Variants in SLC25A48 observed in about 807,000 individuals in gnomAD.
SLC25A48 encodes the protein solute carrier family 25 member 48.
In SLC25A48, 29 loss-of-function variants were observed where a neutral mutation model predicts 32.2. That is an observed-to-expected ratio of 0.90 (90% CI 0.67 to 1.23). The LOEUF (loss-of-function observed/expected upper bound fraction) is 1.23, where lower values mean the gene tolerates loss of function less well. Ranked by LOEUF, SLC25A48 falls within the 50% of genes most tolerant of loss-of-function variation. The pLI is 0.00. For synonymous variants in SLC25A48, 164 were observed against 172.3 expected (o/e 0.95, Z 0.38); for missense variants, 399 against 422.7 (o/e 0.94, Z 0.49).
chr5:135,675,244 T>A (rs189585218), intron 3 of SLC25A48, among the ~76,000 whole-genome samples: 29 of 152,138 alleles, frequency 1.9e-4, no homozygotes, highest in African/African-American at 6.7e-4. Flanking sequence ...TAGACATTAG[T>A]CCATTGTTAG....
chr5:135,637,925 A>C (rs995895312), intron 3 of SLC25A48, among the ~76,000 whole-genome samples: 2 of 152,184 alleles, frequency 1.3e-5, no homozygotes, highest in African/African-American at 4.8e-5. Context: ...CTAGATCAAG[A>C]ATGAGTATGT....
chr5:135,736,531 A>G (rs535183849), intron 3 of SLC25A48, among the ~76,000 whole-genome samples: 19 of 152,154 alleles, frequency 1.2e-4, no homozygotes, highest in Non-Finnish European at 2.6e-4. Flanking sequence ...GAGTGGAGAC[A>G]TGGAGAGAAG....
At chr5:135,717,469 C>T (rs1477881411) in intron 3 of SLC25A48, among the ~76,000 whole-genome samples, 2 of 152,176 alleles carry the variant, frequency 1.3e-5, no homozygotes, top group Non-Finnish European at 2.9e-5. Flanking sequence ...AATCCTAACC[C>T]CAGTACCTGT....
chr5:135,651,448 A>C (rs1012408837), intron 3 of SLC25A48, among the ~76,000 whole-genome samples: 11 of 152,148 alleles, frequency 7.2e-5, no homozygotes, highest in African/African-American at 2.7e-4. Flanking sequence ...CTTAGTAGGC[A>C]GATTCCCAGC....
At chr5:135,843,319 G>A (rs1433737051) in intron 2 of SLC25A48, among the ~76,000 whole-genome samples, 1 of 152,140 alleles carries the variant, frequency 6.6e-6, no homozygotes, top group Non-Finnish European at 1.5e-5. Flanking sequence ...TTATATAGGA[G>A]GGGGGTAAGG....
chr5:135,728,228 C>A (rs779815692), intron 3 of SLC25A48, among the ~76,000 whole-genome samples: 8 of 143,184 alleles, frequency 5.6e-5, no homozygotes, highest in Non-Finnish European at 9.0e-5. Flanking sequence ...TGCACTCCAG[C>A]GTGGGTGACA....
chr5:135,579,398 C>CG (rs1426587232), exon 1 of SLC25A48: 1 of 152,824 alleles, frequency 6.5e-6, no homozygotes, highest in African/African-American at 2.4e-5. Flanking sequence ...TCCGAGCCGG[C>CG]GGGAGACCCA....
intron 3 of SLC25A48, among the ~76,000 whole-genome samples, chr5:135,791,628 A>T (rs1757033225): frequency 6.6e-6 from 1 of 151,598 alleles, no homozygotes; most frequent in African/African-American, 2.4e-5. Context: ...GTTACTCCTA[A>T]TGTCACAGAG....
chr5:135,785,758 C>T (rs149238426), intron 3 of SLC25A48, among the ~76,000 whole-genome samples: 24 of 134,962 alleles, frequency 1.8e-4, no homozygotes, highest in African/African-American at 6.6e-4. Flanking sequence ...GGGGGTGAAA[C>T]ATCCCGCTTG....
At chr5:135,595,191 C>T (rs1226965621) in intron 1 of SLC25A48, among the ~76,000 whole-genome samples, 1 of 152,224 alleles carries the variant, frequency 6.6e-6, no homozygotes, top group Non-Finnish European at 1.5e-5. Flanking sequence ...CTCTCCCTTA[C>T]CCTGCTCCAC....
intron 4 of SLC25A48, among the ~76,000 whole-genome samples, chr5:135,868,093 T>G (rs1761341361): frequency 6.6e-6 from 1 of 152,204 alleles, no homozygotes; most frequent in Non-Finnish European, 1.5e-5. Context: ...TAAAAACTCA[T>G]CAATCGTGCA....
intron 3 of SLC25A48, among the ~76,000 whole-genome samples, chr5:135,794,097 A>G (rs1448430502): frequency 6.6e-6 from 1 of 151,952 alleles, no homozygotes; most frequent in Non-Finnish European, 1.5e-5. Context: ...CTAGGGAAAG[A>G]GAGAATGATA....
chr5:135,719,859 C>A (rs1754907457), intron 3 of SLC25A48, among the ~76,000 whole-genome samples: 1 of 152,170 alleles, frequency 6.6e-6, no homozygotes, highest in Non-Finnish European at 1.5e-5. Context: ...CCATCTCCTG[C>A]AGTAGAGATG....
intron 4 of SLC25A48, among the ~76,000 whole-genome samples, chr5:135,861,861 A>C (rs1479459026): frequency 6.6e-6 from 1 of 152,198 alleles, no homozygotes; most frequent in Non-Finnish European, 1.5e-5. Flanking sequence ...TTTAAAGGGA[A>C]TTTCCATTTG....
At chr5:135,584,070 T>A (rs1220297447) in intron 1 of SLC25A48, among the ~76,000 whole-genome samples, 2 of 152,218 alleles carry the variant, frequency 1.3e-5, no homozygotes, top group African/African-American at 2.4e-5. Context: ...AGCCAGGCAG[T>A]ATTGAATTAG....
rs541899989 is a variant in SLC25A48 at position 135,740,596 on chromosome 5, T to G, written c.-520-71927T>G. On this transcript the variant is annotated intron_variant, in intron 3 of 10. Transcript: ENST00000646290. The stretch of plus-strand genomic sequence containing the variant: ...AAAACAGGACAGGGAGTGGAGTGTG[T>G]GGTGTGATAACGAACACTGAAAACA... 2.6e-5 allele frequency among the ~76,000 whole-genome samples: 4 copies of G among 152,268 alleles called. No homozygotes were observed. The South Asian group carries it at 8.3e-4, about 32-fold the overall frequency.
Position 135,883,367 on chromosome 5 carries a change from C to G in SLC25A48, c.*7+3270C>G, listed in dbSNP as rs1460111982. On this transcript the variant is annotated intron_variant, in intron 7 of 7. Coordinates refer to ENST00000681962, the MANE Select transcript of SLC25A48 (RefSeq NM_001349336.2). ...AAACTGGAGTAAAATAGACCCTCCC[C>G]CCATGGCCATTGTAAACTCACTGTG... 1.0e-5 allele frequency: 10 copies of G among 985,364 alleles called. No individual in the cohort carries two copies. The Admixed American group carries it at 2.5e-4, about 24-fold the overall frequency. The allele number at this position is 985,364 out of a possible 1,614,324, so 61.0% of individuals were successfully genotyped here.
At chr5:135,766,233 C>T (rs1437678794) in intron 3 of SLC25A48, among the ~76,000 whole-genome samples, 2 of 151,094 alleles carry the variant, frequency 1.3e-5, no homozygotes, top group East Asian at 2.0e-4. Flanking sequence ...CTCCCCATAT[C>T]GCGGTGGGTG....
At chr5:135,874,458 T>C (rs1369994145) in intron 6 of SLC25A48, among the ~76,000 whole-genome samples, 4 of 152,198 alleles carry the variant, frequency 2.6e-5, no homozygotes, top group Non-Finnish European at 5.9e-5. Flanking sequence ...TCTCCGCATT[T>C]TGCCTTCTCA....
Sources: allele counts gnomAD v4.1 joint callset (sites outside exome capture counted in the v4.1 genomes callset), GRCh38; gene constraint gnomAD v4.1.1; transcripts MANE v1.5; gene names NCBI Gene and HGNC (gene_info 2026-07-23, HGNC 2026-07-21).